LSM14A: variants seen among roughly 807,000 people sequenced by gnomAD.
The protein encoded by LSM14A is protein LSM14 homolog A.
In LSM14A, 14 loss-of-function variants were observed where a neutral mutation model predicts 52.4. That is an observed-to-expected ratio of 0.27 (90% CI 0.18 to 0.42). LSM14A has a LOEUF of 0.42. Ranked by LOEUF, LSM14A falls within the 10% of genes least tolerant of loss-of-function variation. The probability of loss-of-function intolerance (pLI) is 1.00; values close to 1 mark genes in which losing one functional copy is unlikely to be tolerated. For synonymous variants in LSM14A, 185 were observed against 200.3 expected (o/e 0.92, Z 0.64); for missense variants, 417 against 581.8 (o/e 0.72, Z 2.91).
chr19:34,221,209 A>C (rs1183862319), intron 8 of LSM14A: 1 of 333,356 alleles, frequency 3.0e-6, no homozygotes, highest in Non-Finnish European at 5.6e-6. Context: ...CAACCCCCCA[A>C]GTAGCTGGGA....
intron 9 of LSM14A, chr19:34,221,987 G>A (rs1219744880): frequency 8.3e-6 from 3 of 363,448 alleles, no homozygotes; most frequent in African/African-American, 6.6e-5. Flanking sequence ...AGTCTATCTA[G>A]GAAGCACATA....
intron 1 of LSM14A, among the ~76,000 whole-genome samples, chr19:34,180,197 G>A (rs1480906139): frequency 1.3e-5 from 2 of 152,234 alleles, no homozygotes; most frequent in Non-Finnish European, 2.9e-5. Context: ...GGGATTACAG[G>A]TGTGAGCCAC....
chr19:34,218,204 C>T, intron 6 of LSM14A, among the ~76,000 whole-genome samples: 1 of 151,940 alleles, frequency 6.6e-6, no homozygotes. Context: ...TGGGGTTTCA[C>T]CTTGTTGGTC....
chr19:34,221,658 A>G lies in LSM14A; in HGVS notation c.1288A>G (p.Thr430Ala). The G allele has an allele frequency of 6.2e-7, 1 of 1,614,016 alleles. No homozygotes were observed. The highest frequency in any genetic ancestry group is 1.1e-5 in the South Asian group (1 of 91,060). Residue 430 changes from threonine (T) to alanine (A), a missense_variant, in exon 9 of 10, where the codon ACC becomes GCC. This residue lies in a region of LSM14A where 357 missense variants were observed against 457.0 expected (regional missense o/e 0.78). Coordinates refer to ENST00000544216, the MANE Select transcript of LSM14A (RefSeq NM_015578.4). Reference protein sequence around the residue: ...GRGRGGGRGGTFTAPRGFRGG... With the variant: ...GRGRGGGRGGAFTAPRGFRGG... The stretch of plus-strand genomic sequence containing the variant: ...AGGGCGTGGTGGTGGCAGAGGTGGT[A>G]CCTTCACTGCCCCTCGAGGATTTCG...
chr19:34,203,369 C>A (rs1028478700), intron 3 of LSM14A, among the ~76,000 whole-genome samples: 1 of 148,954 alleles, frequency 6.7e-6, no homozygotes, highest in African/African-American at 2.4e-5. Flanking sequence ...GAGGATGGTT[C>A]TCTTAGGTCT....
intron 9 of LSM14A, chr19:34,226,554 C>A: frequency 1.8e-6 from 2 of 1,094,406 alleles, no homozygotes; most frequent in Non-Finnish European, 2.6e-6. Flanking sequence ...TCAACTTATG[C>A]CATACCATAT....
chr19:34,221,373 C>T (rs887884701), intron 8 of LSM14A, 134 bp from the exon 9 acceptor site: 13 of 1,056,142 alleles, frequency 1.2e-5, no homozygotes, highest in African/African-American at 8.0e-5. Flanking sequence ...TGAGCCATCA[C>T]GCCTAGCCAA....
rs189615742 is a variant in LSM14A at position 34,203,218 on chromosome 19, G to A, written c.416-5711G>A. Among the ~76,000 whole-genome samples, 7 of 151,852 alleles carry A rather than the reference G, an allele frequency of 4.6e-5. No homozygotes were observed. In the East Asian group the frequency reaches 1.4e-3, roughly 29 times the overall value. On this transcript the variant is annotated intron_variant, in intron 3 of 9. Transcript: ENST00000544216. ...GCAAGGATTACAGTGAAGAAACATG[G>A]AGCAATTAGATGTTTTTTCTGTTAT... is the stretch of plus-strand genomic sequence containing the variant.
chr19:34,196,350 A>C (rs2070838316), intron 2 of LSM14A, among the ~76,000 whole-genome samples: 1 of 152,198 alleles, frequency 6.6e-6, no homozygotes, highest in Admixed American at 6.5e-5. Flanking sequence ...TTACTTAAGT[A>C]ACTTTAATTC....
At chr19:34,183,349 G>C (rs377461176) in intron 1 of LSM14A, among the ~76,000 whole-genome samples, 362 of 152,130 alleles carry the variant, frequency 2.4e-3, no homozygotes, top group African/African-American at 8.5e-3. Flanking sequence ...TCAGGAGTTC[G>C]AGATCAGCCT....
chr19:34,198,483 G>C (rs1475839536), intron 3 of LSM14A, among the ~76,000 whole-genome samples: 1 of 152,148 alleles, frequency 6.6e-6, no homozygotes, highest in Non-Finnish European at 1.5e-5. Context: ...CGTGGTGGTG[G>C]TGCATGCCTG....
At chr19:34,216,321 G>C (rs2072586495) in intron 6 of LSM14A, among the ~76,000 whole-genome samples, 1 of 151,792 alleles carries the variant, frequency 6.6e-6, no homozygotes, top group South Asian at 2.1e-4. Context: ...GCTGAGGCAG[G>C]AGAATGGCGT....
At chr19:34,178,462 C>T (rs902876820) in intron 1 of LSM14A, among the ~76,000 whole-genome samples, 1 of 152,184 alleles carries the variant, frequency 6.6e-6, no homozygotes, top group South Asian at 2.1e-4. Context: ...ATCTGTGTTG[C>T]AGTTTGTTTC....
intron 1 of LSM14A, among the ~76,000 whole-genome samples, chr19:34,188,533 G>C (rs946495615): frequency 2.0e-5 from 3 of 152,106 alleles, no homozygotes; most frequent in African/African-American, 7.2e-5. Flanking sequence ...TCACAGTGTT[G>C]TGCAACTACC....
Position 34,196,768 on chromosome 19 carries a change from G to A in LSM14A, c.415+5G>A. On this transcript the variant is annotated splice_donor_5th_base_variant and intron_variant, in intron 3 of 9. Coordinates refer to ENST00000544216, the MANE Select transcript of LSM14A (RefSeq NM_015578.4). ...AGTTTGGTGCTGTTGGTGTTGGTAT[G>A]TTTTCTTTTTCTTTTCTTTTTTTGT... 1 of 1,589,150 alleles carries A rather than the reference G, an allele frequency of 6.3e-7. No homozygotes were observed. The highest frequency in any genetic ancestry group is 2.2e-5 in the East Asian group (1 of 44,502).
At chr19:34,188,442 A>C (rs1225553855) in intron 1 of LSM14A, among the ~76,000 whole-genome samples, 1 of 152,198 alleles carries the variant, frequency 6.6e-6, no homozygotes, top group East Asian at 1.9e-4. Context: ...GTGTGTGCGC[A>C]CATGTGTGTT....
chr19:34,216,610 C>T (rs2072623261), intron 6 of LSM14A, among the ~76,000 whole-genome samples: 1 of 151,952 alleles, frequency 6.6e-6, no homozygotes, highest in African/African-American at 2.4e-5. Context: ...CAGCCGCGTG[C>T]CACCATACCC....
chr19:34,187,335 G>A (rs1343888493), intron 1 of LSM14A, among the ~76,000 whole-genome samples: 1 of 151,188 alleles, frequency 6.6e-6, no homozygotes, highest in Non-Finnish European at 1.5e-5. Flanking sequence ...CTGTAGTGTA[G>A]TGGTGTGATC....
At chr19:34,174,884 T>C (rs575431572) in intron 1 of LSM14A, among the ~76,000 whole-genome samples, 1 of 152,340 alleles carries the variant, frequency 6.6e-6, no homozygotes, top group East Asian at 1.9e-4. Flanking sequence ...TTGGCTGTGT[T>C]ACCTTTATTC....
Sources: allele counts gnomAD v4.1 joint callset (sites outside exome capture counted in the v4.1 genomes callset), GRCh38; gene constraint gnomAD v4.1.1; regional missense constraint gnomAD v4.1.1; transcripts MANE v1.5; gene names NCBI Gene and HGNC (gene_info 2026-07-23, HGNC 2026-07-21).